The following TTC19 variants were observed in gnomAD, a reference collection of about 807,000 sequenced individuals.
The protein encoded by TTC19 is tetratricopeptide repeat domain 19.
TTC19 carries 38 observed loss-of-function variants against 49.5 expected under a neutral mutation model. The observed-to-expected ratio is 0.77, with a 90% CI of 0.59 to 1.01. The LOEUF is 1.01. Ranked by LOEUF, TTC19 falls within the 50% of genes least tolerant of loss-of-function variation. TTC19 has a pLI of 0.00. For missense variants in TTC19, 475 were observed against 477.7 expected (o/e 0.99, Z 0.05); for synonymous variants, 204 against 185.2 (o/e 1.10, Z -0.83).
intron 7 of TTC19, among the ~76,000 whole-genome samples, chr17:16,012,697 C>T (rs972750133): frequency 6.6e-6 from 1 of 152,006 alleles, no homozygotes; most frequent in Non-Finnish European, 1.5e-5. Context: ...TGCCACCACG[C>T]CTGGCTAATT....
rs913641566 is a variant in TTC19 at position 16,000,043 on chromosome 17, C to G, written c.184+11C>G. The stretch of plus-strand genomic sequence containing the variant: ...TGCCGCTGCTGGCAGGTGAGGGGCG[C>G]GGGCCGGGCGGGGCCGGCCGGGCGG... On this transcript the variant is annotated intron_variant, in intron 1 of 9. Transcript: ENST00000261647. The G allele has an allele frequency of 2.1e-5, 26 of 1,262,364 alleles. No homozygotes were observed. In the African/African-American group the frequency reaches 3.9e-4, roughly 19 times the overall value. The allele number at this position is 1,262,364 out of a possible 1,614,324, so 78.2% of individuals were successfully genotyped here.
intron 7 of TTC19, among the ~76,000 whole-genome samples, chr17:16,020,125 A>G (rs1971327616): frequency 6.6e-6 from 1 of 152,172 alleles, no homozygotes; most frequent in South Asian, 2.1e-4. Context: ...AACAACAAAA[A>G]CCAAATTGCT....
At chr17:16,002,963 T>A in intron 4 of TTC19, 132 bp downstream of exon 4, 1 of 878,902 alleles carries the variant, frequency 1.1e-6, no homozygotes, top group Non-Finnish European at 1.8e-6. Flanking sequence ...AAGATAAAAG[T>A]GTATTTCTCT....
chr17:16,030,311 G>A (rs2151713051), downstream of TTC19: 1 of 224,718 alleles, frequency 4.5e-6, no homozygotes, highest in Middle Eastern at 1.4e-3. Context: ...TGGCAGAGGT[G>A]GAAGAAAATC....
chr17:16,001,667 T>G (rs1567576226), intron 2 of TTC19, among the ~76,000 whole-genome samples: 1 of 152,248 alleles, frequency 6.6e-6, no homozygotes, highest in African/African-American at 2.4e-5. Context: ...TGTTGTAAGA[T>G]CACATTCCTT....
intron 2 of TTC19, 131 bp downstream of exon 2, chr17:16,000,376 G>C (rs1970685575): frequency 6.6e-7 from 1 of 1,515,570 alleles, no homozygotes; most frequent in African/African-American, 1.4e-5. Context: ...AAATTGCCGA[G>C]AATGAGGTGG....
At chr17:16,002,680 T>C (rs1970779286) in intron 3 of TTC19, 113 bp from the exon 4 acceptor site, 1 of 982,524 alleles carries the variant, frequency 1.0e-6, no homozygotes. Context: ...GTGCTTTTCA[T>C]TTTCAACTAT....
chr17:16,030,117 T>C (rs774509298), downstream of TTC19: 27 of 183,426 alleles, frequency 1.5e-4, no homozygotes, highest in Non-Finnish European at 2.2e-4. Context: ...TGTATATGTA[T>C]TATATACTGT....
At chr17:16,032,280 C>G (rs1277624832), downstream of TTC19, 1 of 1,593,666 alleles carries the variant, frequency 6.3e-7, no homozygotes. Flanking sequence ...ACCCTGTTCC[C>G]CTCACTTTGT....
At chr17:16,011,994 A>G (rs1171730822) in intron 7 of TTC19, among the ~76,000 whole-genome samples, 1 of 150,966 alleles carries the variant, frequency 6.6e-6, no homozygotes, top group Non-Finnish European at 1.5e-5. Flanking sequence ...ATTATCTAGC[A>G]TTTCTTTGAT....
chr17:16,000,862 T>C (rs1970706471), intron 2 of TTC19, among the ~76,000 whole-genome samples: 1 of 152,192 alleles, frequency 6.6e-6, no homozygotes, highest in African/African-American at 2.4e-5. Flanking sequence ...CTCCTCAACA[T>C]ACGCTTTCGC....
chr17:16,026,493 T>G (rs749063907), intron 8 of TTC19, 47 bp from the exon 9 acceptor site: 27 of 1,588,274 alleles, frequency 1.7e-5, no homozygotes, highest in Non-Finnish European at 2.2e-5. Context: ...TAAAGTTCTG[T>G]GAAGGCATGT....
intron 7 of TTC19, among the ~76,000 whole-genome samples, chr17:16,011,395 G>A (rs1971064690): frequency 6.6e-6 from 1 of 152,118 alleles, no homozygotes; most frequent in African/African-American, 2.4e-5. Flanking sequence ...GGCCGGCCTG[G>A]TCTCCTGACT....
chr17:16,001,905 C>T lies in TTC19; in HGVS notation c.313-10C>T. 6.3e-7 allele frequency: 1 copy of T among 1,594,084 alleles called. No homozygotes were observed. The highest frequency in any genetic ancestry group is 1.7e-5 in the Admixed American group (1 of 60,000). On this transcript the variant is annotated splice_polypyrimidine_tract_variant and intron_variant, in intron 2 of 9. Coordinates refer to ENST00000261647, the MANE Select transcript of TTC19 (RefSeq NM_017775.4). ...GTTTCATTTTCTATTATTTTGTCTT[C>T]CCTTTTCAGTTGAGCATTATGAAAG... is the stretch of plus-strand genomic sequence containing the variant.
downstream of TTC19, chr17:16,029,409 G>C (rs1971758751): frequency 3.3e-6 from 1 of 306,420 alleles, no homozygotes. Flanking sequence ...ACTGTCCAAT[G>C]GTCACTGGAG....
intron 3 of TTC19, among the ~76,000 whole-genome samples, chr17:16,002,257 C>T (rs1970760634): frequency 6.6e-6 from 1 of 152,210 alleles, no homozygotes; most frequent in Admixed American, 6.5e-5. Flanking sequence ...TGGCTCACTG[C>T]AGCCTCCGCC....
intron 2 of TTC19, among the ~76,000 whole-genome samples, chr17:16,001,369 C>T (rs139656890): frequency 6.6e-6 from 1 of 152,276 alleles, no homozygotes; most frequent in African/African-American, 2.4e-5. Flanking sequence ...AAACCATTCT[C>T]TTCAGCTTGT....
chr17:16,024,935 G>C, intron 7 of TTC19, 82 bp from the exon 8 acceptor site: 1 of 1,270,034 alleles, frequency 7.9e-7, no homozygotes, highest in South Asian at 1.2e-5. Context: ...TAAGTGACAT[G>C]TGGGTCCCAT....
Position 16,025,102 on chromosome 17 carries a change from A to G in TTC19, c.762A>G (p.Ser254=). ...ARYLLFSKQP[S]QAQRMYEKAL... ...ACCTTCTGTTCTCCAAGCAGCCGTC[A>G]CAGGCACAAAGGATGTATGAAAAAG... The change falls in exon 8 of 10, where the codon TCA becomes TCG. Residue 254 remains serine (S), a synonymous_variant. Transcript: ENST00000261647. 6.2e-7 allele frequency: 1 copy of G among 1,613,992 alleles called. No homozygotes were observed.
Sources: gnomAD v4.1 joint callset for allele counts (sites outside exome capture counted in the v4.1 genomes callset) on GRCh38, gnomAD v4.1.1 for gene constraint, MANE v1.5 for transcripts, NCBI Gene and HGNC (gene_info 2026-07-23, HGNC 2026-07-21) for gene names.